ATP6V0D2: variants seen among roughly 807,000 people sequenced by gnomAD.
The protein encoded by ATP6V0D2 is V-type proton ATPase subunit d 2.
A neutral mutation model predicts 40.0 loss-of-function variants in ATP6V0D2; 40 were observed. The ratio of observed to expected loss-of-function variants is 1.00; its 90% CI spans 0.78 to 1.30. The LOEUF (loss-of-function observed/expected upper bound fraction) is 1.30. Among genes scored for constraint, ATP6V0D2 ranks in the 50% most tolerant of loss-of-function variants. The pLI, the probability that ATP6V0D2 is intolerant of heterozygous loss-of-function variation, is 0.00. For synonymous variants in ATP6V0D2, 179 were observed against 156.3 expected, an observed-to-expected ratio of 1.15 and a Z score of -1.08; for missense variants, 470 against 423.1, an observed-to-expected ratio of 1.11 and a Z score of -0.97.
At chr8:86,107,344 A>C (rs539623833) in intron 1 of ATP6V0D2, among the ~76,000 whole-genome samples, 1 of 152,172 alleles carries the variant, frequency 6.6e-6, no homozygotes, top group African/African-American at 2.4e-5. Context: ...GAATACTTGG[A>C]GAGAAGGCTG....
At position 86,102,152 on chromosome 8, in the gene ATP6V0D2, G is replaced by A. The variant is rs1183109634; in HGVS notation, c.130+3044G>A. Among the ~76,000 whole-genome samples the A allele has an allele frequency of 7.9e-5, 12 of 152,100 alleles. No individual in the cohort carries two copies. The East Asian group carries it at 1.7e-3, about 22-fold the overall frequency. ...AGTATAAATTGAAGATATATGAATA[G>A]GTCTGTGTGGAGTTGATGTCCACTC... On this transcript the variant is annotated intron_variant, in intron 1 of 7. Transcript: ENST00000285393.
At position 86,152,125 on chromosome 8, in the gene ATP6V0D2, A is replaced by G. The variant is rs57950594; in HGVS notation, c.891+585A>G. On this transcript the variant is annotated intron_variant, in intron 7 of 7. Transcript: ENST00000285393. ...GTGTGATGTTCCCCTCCCTGTGCTC[A>G]TATGTTTTCATTGTTCAACTCCCCC... Among the ~76,000 whole-genome samples the G allele has an allele frequency of 6.3e-3, 946 of 150,604 alleles. 10 individuals are homozygous for G. Among genetic ancestry groups the G allele is most frequent in the African/African-American group, 0.022 (911 of 40,936 alleles).
intron 3 of ATP6V0D2, 35 bp downstream of exon 3, chr8:86,139,670 G>A (rs370936056): frequency 4.6e-5 from 70 of 1,521,868 alleles, no homozygotes; most frequent in Non-Finnish European, 6.1e-5. Context: ...AGCTGCTTGT[G>A]TATGTTATCA....
rs565942494 is a variant in ATP6V0D2 at position 86,151,500 on chromosome 8, G to A, written c.851G>A (p.Ser284Asn). The change falls in exon 7 of 8, where the codon AGT becomes AAT. Residue 284 changes from serine to asparagine, a missense_variant. Transcript: ENST00000285393. ...YKPLFEAVGG[S>N]GGKTLEDVFY... ...CCTTTATTTGAAGCTGTAGGTGGCA[G>A]TGGGGGAAAGACATTGGAGGACGTG... 2.1e-5 allele frequency: 34 copies of A among 1,607,280 alleles called. 1 individual carries two copies. The highest frequency in any genetic ancestry group is 1.6e-4 in the Middle Eastern group (1 of 6,062).
At chr8:86,111,795 C>T (rs1464236397) in intron 1 of ATP6V0D2, among the ~76,000 whole-genome samples, 1 of 152,202 alleles carries the variant, frequency 6.6e-6, no homozygotes, top group Admixed American at 6.5e-5. Flanking sequence ...AGGCTCATCT[C>T]CTTCAAGACA....
intron 2 of ATP6V0D2, among the ~76,000 whole-genome samples, chr8:86,132,001 T>G (rs1490299315): frequency 6.6e-6 from 1 of 152,036 alleles, no homozygotes; most frequent in African/African-American, 2.4e-5. Flanking sequence ...AGATCCTGAG[T>G]GCCTATATGT....
At chr8:86,121,664 G>GA (rs1326845670) in intron 2 of ATP6V0D2, among the ~76,000 whole-genome samples, 3 of 151,458 alleles carry the variant, frequency 2.0e-5, no homozygotes, top group Admixed American at 6.6e-5. Context: ...AAGGAGGAAA[G>GA]AAAAAAGAAT....
chr8:86,117,925 T>C lies in ATP6V0D2; in HGVS notation c.302+4045T>C, dbSNP rs374309197. 1.9e-3 allele frequency among the ~76,000 whole-genome samples: 292 copies of C among 152,114 alleles called. 2 individuals carry two copies. Among genetic ancestry groups the C allele is most frequent in the African/African-American group, 6.8e-3 (283 of 41,502 alleles). ...GCTGGAGACGCAAACTCCAGTCAGA[T>C]TATGGAAAGTCTTTGATGCCAGGCT... On this transcript the variant is annotated intron_variant, in intron 2 of 7. Transcript: ENST00000285393.
intron 2 of ATP6V0D2, among the ~76,000 whole-genome samples, chr8:86,126,539 G>A (rs1199673837): frequency 6.6e-6 from 1 of 151,814 alleles, no homozygotes; most frequent in Non-Finnish European, 1.5e-5. Flanking sequence ...TGGAATCCAA[G>A]CCTTATGTCA....
At chr8:86,137,361 C>A (rs1190098346) in intron 2 of ATP6V0D2, among the ~76,000 whole-genome samples, 1 of 152,184 alleles carries the variant, frequency 6.6e-6, no homozygotes, top group Non-Finnish European at 1.5e-5. Flanking sequence ...CTTCCCCCAT[C>A]TAGTCATCCC....
chr8:86,132,370 ATTG>A (rs1387029534), intron 2 of ATP6V0D2, among the ~76,000 whole-genome samples: 1 of 152,094 alleles, frequency 6.6e-6, no homozygotes, highest in African/African-American at 2.4e-5. Flanking sequence ...TATGTCATAC[ATTG>A]TTGTTAACTA....
chr8:86,145,374 G>A (rs149039798), intron 5 of ATP6V0D2, among the ~76,000 whole-genome samples: 47,835 of 77,752 alleles, frequency 0.62, 15,086 homozygotes, highest in Middle Eastern at 0.7. Context: ...AGGAAGGAAG[G>A]AAAGAAAAGA....
At chr8:86,099,340 G>A (rs1408213323) in intron 1 of ATP6V0D2, among the ~76,000 whole-genome samples, 2 of 151,992 alleles carry the variant, frequency 1.3e-5, no homozygotes, top group East Asian at 1.9e-4. Context: ...ACTAATGTAG[G>A]CAACAAATCA....
intron 7 of ATP6V0D2, 27 bp downstream of exon 7, chr8:86,151,567 G>A: frequency 6.5e-7 from 1 of 1,543,734 alleles, no homozygotes; most frequent in Non-Finnish European, 8.8e-7. Flanking sequence ...AATACTATTA[G>A]CTTATTTTTC....
chr8:86,145,371 AAGG>A (rs1819053167), intron 5 of ATP6V0D2, among the ~76,000 whole-genome samples: 1 of 13,600 alleles, frequency 7.4e-5, no homozygotes, highest in Non-Finnish European at 1.9e-4. Flanking sequence ...GGAAGGAAGG[AAGG>A]AAAGAAAAGA....
At chr8:86,105,124 A>T (rs1818452070) in intron 1 of ATP6V0D2, among the ~76,000 whole-genome samples, 1 of 151,854 alleles carries the variant, frequency 6.6e-6, no homozygotes, top group Admixed American at 6.6e-5. Context: ...CTTCAACTTT[A>T]GCTCCACGGT....
At position 86,117,564 on chromosome 8, in the gene ATP6V0D2, A is replaced by G. The variant is rs187065389; in HGVS notation, c.302+3684A>G. On this transcript the variant is annotated intron_variant, in intron 2 of 7. Transcript: ENST00000285393. ...CTTGTTTGCCATACTCAGTCCTCCT[A>G]TCAGCGCTATGGGTTAGGATAATTC... Among the ~76,000 whole-genome samples the G allele has an allele frequency of 1.1e-4, 16 of 152,328 alleles. No homozygotes were observed. The East Asian group carries it at 2.7e-3, about 26-fold the overall frequency.
At chr8:86,101,891 C>T (rs993911265) in intron 1 of ATP6V0D2, among the ~76,000 whole-genome samples, 1 of 152,192 alleles carries the variant, frequency 6.6e-6, no homozygotes, top group Non-Finnish European at 1.5e-5. Context: ...ACATTTGAAT[C>T]TGTGTGCCAA....
chr8:86,104,476 G>A (rs1818442550), intron 1 of ATP6V0D2, among the ~76,000 whole-genome samples: 1 of 152,082 alleles, frequency 6.6e-6, no homozygotes, highest in Non-Finnish European at 1.5e-5. Context: ...AAAAGCAAGG[G>A]GAAGAACCAG....
Sources: allele counts gnomAD v4.1 joint callset (sites outside exome capture counted in the v4.1 genomes callset), GRCh38; gene constraint gnomAD v4.1.1; transcripts MANE v1.5; gene names NCBI Gene and HGNC (gene_info 2026-07-23, HGNC 2026-07-21).